The following EXOC2 variants were observed in gnomAD, a reference collection of about 807,000 sequenced individuals.
The protein encoded by EXOC2 is SEC5-like 1.
In EXOC2, 70 loss-of-function variants were observed where a neutral mutation model predicts 131.8. The ratio of observed to expected loss-of-function variants is 0.53; its 90% CI spans 0.44 to 0.65. The LOEUF (loss-of-function observed/expected upper bound fraction) is 0.65, where lower values mean the gene tolerates loss of function less well. Ranked by LOEUF, EXOC2 falls within the 30% of genes least tolerant of loss-of-function variation. EXOC2 has a pLI of 0.00. For missense variants in EXOC2, 923 were observed against 1,108.6 expected (o/e 0.83, Z 2.38); for synonymous variants, 411 against 398.4 (o/e 1.03, Z -0.38).
At chr6:553,980 T>C in intron 20 of EXOC2, 60 bp from the exon 21 acceptor site, 5 of 1,293,290 alleles carry the variant, frequency 3.9e-6, no homozygotes, top group Non-Finnish European at 5.6e-6. Context: ...AAAAATGCAA[T>C]GAACTATACG....
intron 23 of EXOC2, among the ~76,000 whole-genome samples, chr6:515,897 C>T (rs951060979): frequency 1.3e-5 from 2 of 152,214 alleles, no homozygotes; most frequent in Non-Finnish European, 2.9e-5. Context: ...CTTAGGTTCA[C>T]TGTTGTGATT....
intron 11 of EXOC2, among the ~76,000 whole-genome samples, chr6:587,697 G>C (rs117919922): frequency 4.6e-5 from 7 of 152,202 alleles, no homozygotes; most frequent in African/African-American, 1.7e-4. Context: ...CGTTCTGTCC[G>C]CGTCTGTGCC....
At chr6:656,472 C>T (rs759841851) in intron 1 of EXOC2, 1 of 1,611,212 alleles carries the variant, frequency 6.2e-7, no homozygotes. Context: ...GCGCGGCAGG[C>T]GGATGCTCGC....
chr6:564,556 G>A lies in EXOC2; in HGVS notation c.1656C>T (p.Ile552=). ...ELSGQWLAHA[I]QTVRLTHESL... ...GTGTCCATACTCACCTTACAGTCTG[G>A]ATGGCGTGAGCGAGCCACTGTCCGG... The change falls in exon 15 of 28, where the codon ATC becomes ATT. Residue 552 remains isoleucine (I), a synonymous_variant. Transcript: ENST00000230449. The A allele has an allele frequency of 6.2e-7, 1 of 1,614,144 alleles. No homozygotes were observed.
At chr6:634,257 G>A (rs1030314966) in intron 2 of EXOC2, among the ~76,000 whole-genome samples, 1 of 151,972 alleles carries the variant, frequency 6.6e-6, no homozygotes, top group African/African-American at 2.4e-5. Context: ...TTTTGTTTTT[G>A]TATTTTTTTT....
At chr6:628,448 G>A (rs564524437) in intron 4 of EXOC2, among the ~76,000 whole-genome samples, 1 of 152,340 alleles carries the variant, frequency 6.6e-6, no homozygotes, top group South Asian at 2.1e-4. Context: ...GAATAATAAA[G>A]AGATTCAAAG....
chr6:681,934 C>A (rs1172012336), intron 1 of EXOC2, among the ~76,000 whole-genome samples: 1 of 152,192 alleles, frequency 6.6e-6, no homozygotes, highest in Non-Finnish European at 1.5e-5. Flanking sequence ...CTGCTAACTC[C>A]TGGAGGATTT....
chr6:641,924 T>A (rs1762371442), intron 1 of EXOC2, among the ~76,000 whole-genome samples: 1 of 152,128 alleles, frequency 6.6e-6, no homozygotes, highest in Non-Finnish European at 1.5e-5. Context: ...TATCCCTACC[T>A]TTAAAATAAT....
intron 25 of EXOC2, among the ~76,000 whole-genome samples, chr6:492,678 C>T (rs1053735285): frequency 2.6e-5 from 4 of 152,000 alleles, no homozygotes; most frequent in Admixed American, 6.5e-5. Context: ...TCCATTTATA[C>T]GAAATTTTCA....
chr6:632,383 C>T (rs958134119), intron 3 of EXOC2, among the ~76,000 whole-genome samples: 1 of 152,082 alleles, frequency 6.6e-6, no homozygotes, highest in African/African-American at 2.4e-5. Context: ...GCAGCAAGTT[C>T]CTAACACTGC....
chr6:556,896 T>G (rs991588125), intron 17 of EXOC2, among the ~76,000 whole-genome samples: 1 of 152,234 alleles, frequency 6.6e-6, no homozygotes, highest in African/African-American at 2.4e-5. Flanking sequence ...GAGTTTATAT[T>G]TTGAATGCTA....
intron 1 of EXOC2, among the ~76,000 whole-genome samples, chr6:661,569 T>C (rs1214735026): frequency 6.6e-6 from 1 of 152,182 alleles, no homozygotes; most frequent in African/African-American, 2.4e-5. Flanking sequence ...AAAGATACAG[T>C]TGTTTTCAAA....
chr6:635,897 C>T (rs1419467231), intron 2 of EXOC2, among the ~76,000 whole-genome samples: 2 of 152,184 alleles, frequency 1.3e-5, no homozygotes, highest in Non-Finnish European at 2.9e-5. Flanking sequence ...CCCATCTCTA[C>T]TAAAAATACA....
At chr6:531,428 C>T (rs946299992) in intron 23 of EXOC2, among the ~76,000 whole-genome samples, 3 of 6,204 alleles carry the variant, frequency 4.8e-4, no homozygotes, top group African/African-American at 3.8e-3. Context: ...CACAGAAAAG[C>T]ACATGAGGAA....
chr6:613,114 G>A (rs1760799982), intron 6 of EXOC2, among the ~76,000 whole-genome samples: 1 of 152,152 alleles, frequency 6.6e-6, no homozygotes. Context: ...CCCACTTCAA[G>A]GGAACAGAAG....
Position 574,495 on chromosome 6 carries a change from C to T in EXOC2, c.1319-1851G>A, listed in dbSNP as rs73376480. On this transcript the variant is annotated intron_variant, in intron 12 of 27. Coordinates refer to ENST00000230449, the MANE Select transcript of EXOC2 (RefSeq NM_018303.6). ...TTGTGGGGTTGAGTGTCTACTCACA[C>T]GTGTAAGAACCACTGACACGTCCTC... is the stretch of plus-strand genomic sequence containing the variant. Among the ~76,000 whole-genome samples the T allele has an allele frequency of 7.8e-3, 1,183 of 152,270 alleles. 22 individuals carry two copies. The highest frequency in any genetic ancestry group is 0.027 in the African/African-American group (1,121 of 41,540).
chr6:495,517 A>T (rs1273973890), intron 25 of EXOC2, among the ~76,000 whole-genome samples: 1 of 152,180 alleles, frequency 6.6e-6, no homozygotes, highest in East Asian at 1.9e-4. Context: ...ACGAAACTGA[A>T]AATACGTTTT....
intron 25 of EXOC2, 104 bp from the exon 26 acceptor site, chr6:491,290 G>A (rs1343211333): frequency 8.3e-7 from 1 of 1,199,370 alleles, no homozygotes; most frequent in South Asian, 1.3e-5. Context: ...GTAGGATGGG[G>A]TTGGCGTAAT....
At position 486,393 on chromosome 6, in the gene EXOC2, C is replaced by T. The variant is rs1001159994; in HGVS notation, c.*278G>A. ...CCTGCAGAAGCAGCTCTTCCTGCAGCACTCAACCTTCTGCTGAGATGCAAA... is the reference window on the plus strand; with the variant it reads ...CCTGCAGAAGCAGCTCTTCCTGCAGTACTCAACCTTCTGCTGAGATGCAAA... On this transcript the variant is annotated 3_prime_UTR_variant, in exon 28 of 28. Coordinates refer to ENST00000230449, the MANE Select transcript of EXOC2 (RefSeq NM_018303.6). 1.1e-4 allele frequency: 34 copies of T among 295,704 alleles called. No individual in the cohort carries two copies. Among genetic ancestry groups the T allele is most frequent in the African/African-American group, 7.4e-4 (34 of 45,960 alleles). The allele number at this position is 295,704 out of a possible 1,614,324, so 18.3% of individuals were successfully genotyped here.
Sources: allele counts gnomAD v4.1 joint callset (sites outside exome capture counted in the v4.1 genomes callset), GRCh38; gene constraint gnomAD v4.1.1; transcripts MANE v1.5; gene names NCBI Gene and HGNC (gene_info 2026-07-23, HGNC 2026-07-21).